Variants in STIM2 observed in about 807,000 individuals in gnomAD.
STIM2 encodes the protein stromal interaction molecule 2.
In STIM2, 31 loss-of-function variants were observed where a neutral mutation model predicts 85.8. The observed-to-expected ratio is 0.36, with a 90% CI of 0.27 to 0.49. STIM2 has a LOEUF of 0.49. STIM2 is among the 20% of genes least tolerant of loss of function. The pLI is 0.98. For synonymous variants in STIM2, 356 were observed against 331.1 expected, an observed-to-expected ratio of 1.08 and a Z score of -0.82; for missense variants, 841 against 927.6, an observed-to-expected ratio of 0.91 and a Z score of 1.21.
intron 1 of STIM2, among the ~76,000 whole-genome samples, chr4:26,873,191 G>A (rs1415446227): frequency 2.0e-5 from 3 of 152,156 alleles, no homozygotes; most frequent in African/African-American, 7.2e-5. Context: ...CCTGAGGTCA[G>A]GAGTTGAAGC....
intron 4 of STIM2, among the ~76,000 whole-genome samples, chr4:26,997,068 T>C (rs1328401584): frequency 6.6e-6 from 1 of 152,076 alleles, no homozygotes; most frequent in Non-Finnish European, 1.5e-5. Context: ...ATTGGAACCT[T>C]TTTTAGTGGA....
chr4:26,868,864 A>G (rs1577404472), intron 1 of STIM2, among the ~76,000 whole-genome samples: 1 of 152,182 alleles, frequency 6.6e-6, no homozygotes, highest in Non-Finnish European at 1.5e-5. Flanking sequence ...TTTGCCACAC[A>G]TATTCAGACT....
At chr4:26,866,592 A>G (rs1241400119) in intron 1 of STIM2, among the ~76,000 whole-genome samples, 1 of 152,192 alleles carries the variant, frequency 6.6e-6, no homozygotes, top group East Asian at 1.9e-4. Context: ...AGAGTTAAGT[A>G]TAAGGTATAT....
chr4:26,975,152 A>G (rs1211007514), intron 3 of STIM2, among the ~76,000 whole-genome samples: 1 of 152,034 alleles, frequency 6.6e-6, no homozygotes, highest in African/African-American at 2.4e-5. Flanking sequence ...TCTTTTTTTC[A>G]AGGTTTTTAG....
At chr4:26,861,501 C>G (rs1020586707) in intron 1 of STIM2, 132 bp downstream of exon 1, 1 of 1,212,496 alleles carries the variant, frequency 8.2e-7, no homozygotes, top group Non-Finnish European at 1.0e-6. Flanking sequence ...GGAGCCCTGC[C>G]TGCTGCTTCG....
At chr4:27,022,029 T>G (rs75439326) in intron 11 of STIM2, among the ~76,000 whole-genome samples, 1,604 of 152,268 alleles carry the variant, frequency 0.011, 18 homozygotes, top group South Asian at 0.049. Flanking sequence ...CTTTTAAATT[T>G]GGTAGAACTT....
chr4:26,896,357 A>C (rs1187957764), intron 1 of STIM2, among the ~76,000 whole-genome samples: 1 of 152,198 alleles, frequency 6.6e-6, no homozygotes, highest in African/African-American at 2.4e-5. Context: ...CTGCCATGTA[A>C]TGTATCATAA....
chr4:26,873,972 T>A, intron 1 of STIM2: 1 of 1,006,454 alleles, frequency 9.9e-7, no homozygotes, highest in Non-Finnish European at 1.6e-6. Context: ...AGGGATCCAC[T>A]GCTCTTCTGT....
chr4:26,915,872 C>T (rs548485869), intron 1 of STIM2, among the ~76,000 whole-genome samples: 2 of 152,250 alleles, frequency 1.3e-5, no homozygotes, highest in Admixed American at 6.5e-5. Context: ...CAGAGCCTGA[C>T]GTATTATAGG....
intron 1 of STIM2, among the ~76,000 whole-genome samples, chr4:26,908,729 C>T (rs945599723): frequency 6.6e-6 from 1 of 152,184 alleles, no homozygotes; most frequent in Non-Finnish European, 1.5e-5. Flanking sequence ...AGTGATCCAC[C>T]CGTCTCGGCC....
In STIM2 at chr4:27,022,598, G is replaced by A. The variant is rs750543457; in HGVS notation, c.1843G>A (p.Glu615Lys). The A allele has an allele frequency of 2.5e-5, 41 of 1,613,638 alleles. No homozygotes were observed. The highest frequency in any genetic ancestry group is 3.4e-5 in the Non-Finnish European group (40 of 1,179,698). The change falls in exon 12 of 12, where the codon GAG becomes AAG. Residue 615 changes from glutamate to lysine, a missense_variant. Coordinates refer to ENST00000467087, the MANE Select transcript of STIM2 (RefSeq NM_020860.4). Reference sequence around the variant, plus strand: ...GAAACAGTCTCCTCCTTTAAGCCTCGAGATATACCAAACATTATCTCCGCG... The same window carrying A: ...GAAACAGTCTCCTCCTTTAAGCCTCAAGATATACCAAACATTATCTCCGCG...
rs778428872 is a variant in STIM2, at chr4:26,861,169, C to A, written c.-50C>A. 16 of 1,396,896 alleles carry A rather than the reference C, an allele frequency of 1.1e-5. No homozygotes were observed. The highest frequency in any genetic ancestry group is 1.4e-5 in the Non-Finnish European group (15 of 1,072,924). The allele number at this position is 1,396,896 out of a possible 1,614,324, so 86.5% of individuals were successfully genotyped here. ...CCTCGGCGCCTTCATCCCGCCTCGA[C>A]TCCTGGCCCAGCGTGGGGCTGGCTG... is the stretch of plus-strand genomic sequence containing the variant. On this transcript the variant is annotated 5_prime_UTR_variant, in exon 1 of 12. Coordinates refer to ENST00000467087, the MANE Select transcript of STIM2 (RefSeq NM_020860.4).
intron 10 of STIM2, among the ~76,000 whole-genome samples, chr4:27,011,472 G>T (rs1025501799): frequency 6.6e-6 from 1 of 152,152 alleles, no homozygotes; most frequent in Non-Finnish European, 1.5e-5. Context: ...AACTTTGAGA[G>T]TTTCTCTGTG....
intron 10 of STIM2, 92 bp downstream of exon 10, chr4:27,009,094 G>A (rs1484023759): frequency 2.6e-6 from 3 of 1,142,448 alleles, no homozygotes; most frequent in Non-Finnish European, 3.8e-6. Context: ...CGAAATCTGT[G>A]AGAAAAAATT....
chr4:27,017,049 C>T (rs139898286), intron 10 of STIM2, among the ~76,000 whole-genome samples: 1 of 152,228 alleles, frequency 6.6e-6, no homozygotes, highest in Non-Finnish European at 1.5e-5. Flanking sequence ...TATGTTCGTT[C>T]AGTTAAGAGT....
chr4:26,910,448 C>T (rs1373303312), intron 1 of STIM2, among the ~76,000 whole-genome samples: 1 of 152,008 alleles, frequency 6.6e-6, no homozygotes, highest in Non-Finnish European at 1.5e-5. Context: ...TGCCTGAACT[C>T]CGGAGGCAGA....
chr4:26,934,165 G>T (rs1725312856), intron 2 of STIM2, among the ~76,000 whole-genome samples: 2 of 151,878 alleles, frequency 1.3e-5, no homozygotes, highest in Non-Finnish European at 2.9e-5. Context: ...CTGCCCTCTG[G>T]CCTGGGCAAA....
intron 1 of STIM2, among the ~76,000 whole-genome samples, chr4:26,885,859 A>ATATATATATATATATATATATG (rs1560194672): frequency 8.9e-5 from 8 of 89,426 alleles, no homozygotes; most frequent in Admixed American, 5.9e-4. Flanking sequence ...ATATATATAT[A>ATATATATATATATATATATATG]TATATATATA....
rs1727328466 is a variant in STIM2 at position 26,980,075 on chromosome 4, T to C, written c.398-15304T>C. Among the ~76,000 whole-genome samples the C allele has an allele frequency of 3.3e-5, 5 of 152,212 alleles. No homozygotes were observed. In the South Asian group the frequency reaches 1.0e-3, roughly 31 times the overall value. ...CACTGGGCCCAGCCCCACTTTTCTT[T>C]AAATTAATAGAATGCAAGGATCATA... On this transcript the variant is annotated intron_variant, in intron 3 of 11. Coordinates refer to ENST00000467087, the MANE Select transcript of STIM2 (RefSeq NM_020860.4).
Sources: gnomAD v4.1 joint callset for allele counts (sites outside exome capture counted in the v4.1 genomes callset) on GRCh38, gnomAD v4.1.1 for gene constraint, MANE v1.5 for transcripts, NCBI Gene and HGNC (gene_info 2026-07-23, HGNC 2026-07-21) for gene names.